The following SHROOM1 variants were observed in gnomAD, a reference collection of about 807,000 sequenced individuals.
The protein encoded by SHROOM1 is protein Shroom1.
In SHROOM1, 53 loss-of-function variants were observed where a neutral mutation model predicts 64.2. The observed-to-expected ratio is 0.83, with a 90% CI of 0.66 to 1.04. The LOEUF is 1.04. Among genes scored for constraint, SHROOM1 ranks in the 50% least tolerant of loss-of-function variants. SHROOM1 has a pLI of 0.00. For synonymous variants in SHROOM1, 490 were observed against 518.9 expected (o/e 0.94, Z 0.76); for missense variants, 1,179 against 1,163.2 (o/e 1.01, Z -0.20).
rs1485224789 is a variant in SHROOM1, at chr5:132,825,503, G to A, written c.638C>T (p.Pro213Leu). The A allele has an allele frequency of 1.3e-6, 2 of 1,499,206 alleles. No homozygotes were observed. The highest frequency in any genetic ancestry group is 1.8e-6 in the Non-Finnish European group (2 of 1,130,354). The allele number at this position is 1,499,206 out of a possible 1,614,324, so 92.9% of individuals were successfully genotyped here. A position where few individuals can be genotyped will look rare whatever the true frequency, so the allele number is the denominator to read the frequency against. The change falls in exon 4 of 10, where the codon CCC (proline) becomes CTC (leucine). Residue 213 changes from proline (P) to leucine (L), a missense_variant. Coordinates refer to ENST00000378679, the MANE Select transcript of SHROOM1 (RefSeq NM_001172700.2). The surrounding 1 kb of genome is among the most constrained non-coding windows in gnomAD (Gnocchi z 5.1). ...APAPGTAGRGPLANQQRKWCF... is the reference protein window; with the variant it reads ...APAPGTAGRGLLANQQRKWCF... ...CCACTTCCGCTGCTGGTTGGCGAGG[G>A]GACCCCGGCCGGCAGTTCCTGGCGC...
Position 132,824,317 on chromosome 5 carries a change from T to C in SHROOM1, c.1344A>G (p.Ala448=), listed in dbSNP as rs1228625163. 1 of 1,612,808 alleles carries C rather than the reference T, an allele frequency of 6.2e-7. No individual in the cohort carries two copies. Among genetic ancestry groups the C allele is most frequent in the Non-Finnish European group, 8.5e-7 (1 of 1,179,414 alleles). The change falls in exon 7 of 10, where the codon GCA becomes GCG. Residue 448 remains alanine, a synonymous_variant. Transcript: ENST00000378679. The part of the protein sequence containing the change: ...EYPLHECPGT[A]GADDCWQGVN... ...CCCCCTGCCAGCAGTCATCTGCCCC[T>C]GCAGTTCCTGGACACTCATGGAGCG...
At chr5:132,828,500 G>A (rs144362318) in intron 1 of SHROOM1, among the ~76,000 whole-genome samples, 46 of 152,172 alleles carry the variant, frequency 3.0e-4, no homozygotes, top group African/African-American at 8.2e-4. Flanking sequence ...AAGCCCACCC[G>A]ACTGCTCAGA....
Position 132,823,052 on chromosome 5 carries a change from C to T in SHROOM1, c.2303G>A (p.Arg768Gln). Residue 768 changes from arginine (R) to glutamine (Q), a missense_variant, in exon 10 of 10, where the codon CGG (arginine) becomes CAG (glutamine). Transcript: ENST00000378679. This position sits in a 1 kb window ranked among gnomAD's most constrained non-coding sequence, Gnocchi z 4.6. ...DAKELKEHVA[R>Q]RERAVREVLV... ...CACCTCCCGCACGGCCCGCTCGCGC[C>T]GCGCTACGTGCTCCTTCAGCTCCTT... 1 of 1,597,098 alleles carries T rather than the reference C, an allele frequency of 6.3e-7. No homozygotes were observed. The highest frequency in any genetic ancestry group is 8.5e-7 in the Non-Finnish European group (1 of 1,178,392).
Position 132,826,101 on chromosome 5 carries a change from C to T in SHROOM1, c.40G>A (p.Ala14Thr). 1.4e-6 allele frequency: 2 copies of T among 1,394,172 alleles called. No individual in the cohort carries two copies. The highest frequency in any genetic ancestry group is 3.0e-5 in the Admixed American group (1 of 32,790). 86.4% of individuals were successfully genotyped at this position (1,394,172 alleles called of 1,614,324 possible). A position where few individuals can be genotyped will look rare whatever the true frequency, so the allele number is the denominator to read the frequency against. Residue 14 changes from alanine (A) to threonine (T), a missense_variant, in exon 4 of 10, where the codon GCC (alanine) becomes ACC (threonine). Physicochemically the swap from Ala to Thr is moderately conservative, Grantham distance 58. Transcript: ENST00000378679. The part of the protein sequence containing the change: ...LGPGGDRASP[A>T]SSTSSLDLWH... ...AGGTCCAGGCTGCTAGTGGACGAGG[C>T]CGGGGAGGCGCGGTCGCCCCCAGGT...
At chr5:132,829,782 G>A (rs1758796273) in intron 1 of SHROOM1, 1 of 985,328 alleles carries the variant, frequency 1.0e-6, no homozygotes, top group Admixed American at 6.1e-5. Flanking sequence ...CTGGCTAGGC[G>A]GACGTTCTGG....
At position 132,822,322 on chromosome 5, in the gene SHROOM1, G is replaced by T. The variant is rs548413428; in HGVS notation, c.*474C>A. 4.7e-5 allele frequency: 7 copies of T among 148,360 alleles called. No individual in the cohort carries two copies. The highest frequency in any genetic ancestry group is 1.7e-4 in the African/African-American group (7 of 40,412). The allele number at this position is 148,360 out of a possible 1,614,324, so 9.2% of individuals were successfully genotyped here. On this transcript the variant is annotated 3_prime_UTR_variant, in exon 10 of 10. Coordinates refer to ENST00000378679, the MANE Select transcript of SHROOM1 (RefSeq NM_001172700.2). ...CAAATAATACACAAGACCTGGGTGA[G>T]GCCACATGAGAACACTTTGGAGAAG...
Position 132,824,793 on chromosome 5 carries a change from T to G in SHROOM1, c.1063A>C (p.Met355Leu), listed in dbSNP as rs751439746. 9 of 1,614,072 alleles carry G rather than the reference T, an allele frequency of 5.6e-6. No individual in the cohort carries two copies. Among genetic ancestry groups the G allele is most frequent in the Non-Finnish European group, 7.6e-6 (9 of 1,180,020 alleles). The change falls in exon 6 of 10, where the codon ATG becomes CTG. Residue 355 changes from methionine (M) to leucine (L), a missense_variant. Coordinates refer to ENST00000378679, the MANE Select transcript of SHROOM1 (RefSeq NM_001172700.2). ...RFLPQKEAAV[M>L]YPAELPQSSP... The stretch of plus-strand genomic sequence containing the variant: ...CTCTGGGGTAACTCTGCAGGATACA[T>G]CACCGCAGCCTCTTTCTGAGGCAAG...
intron 2 of SHROOM1, among the ~76,000 whole-genome samples, chr5:132,827,184 C>T (rs1057187457): frequency 6.6e-6 from 1 of 152,176 alleles, no homozygotes. Flanking sequence ...CTGAGCTGAC[C>T]CCCACCCCAC....
At position 132,823,430 on chromosome 5, in the gene SHROOM1, G is replaced by T; in HGVS notation, c.2046C>A (p.Arg682=). The T allele has an allele frequency of 1.9e-6, 3 of 1,611,876 alleles. No homozygotes were observed. The East Asian group carries it at 6.7e-5, about 36-fold the overall frequency. ...GCACTGCAGCCTCCAGAGCCGCTTG[G>T]CGCCTGGCCCACGCTTGTGCCTCCC... ...LQGEAQAWAR[R]QAALEAAVRQ... Residue 682 remains arginine, a synonymous_variant, in exon 9 of 10, where the codon CGC becomes CGA. Transcript: ENST00000378679. The surrounding 1 kb of genome is among the most constrained non-coding windows in gnomAD (Gnocchi z 4.6).
Position 132,824,679 on chromosome 5 carries a change from C to G in SHROOM1, c.1177G>C (p.Glu393Gln). Residue 393 changes from glutamate to glutamine, a missense_variant, in exon 6 of 10, where the codon GAG becomes CAG. By Grantham distance (29) the Glu-to-Gln change is conservative (BLOSUM62 2). Coordinates refer to ENST00000378679, the MANE Select transcript of SHROOM1 (RefSeq NM_001172700.2). ...GATCTCATTCTGACCAGTGGGGCCT[C>G]TTCTAGGAACACTTCATCAGGAAGG... ...PSLPDEVFLE[E>Q]APLVRMRSPP... 6.2e-7 allele frequency: 1 copy of G among 1,614,052 alleles called. No individual in the cohort carries two copies. The highest frequency in any genetic ancestry group is 8.5e-7 in the Non-Finnish European group (1 of 1,180,012).
Position 132,823,701 on chromosome 5 carries a change from G to A in SHROOM1, c.1875C>T (p.Asn625=), listed in dbSNP as rs33935150. The A allele has an allele frequency of 0.016, 26,270 of 1,612,018 alleles. 1,491 individuals carry two copies. The highest frequency in any genetic ancestry group is 0.16 in the African/African-American group (11,952 of 74,960). Residue 625 remains asparagine, a synonymous_variant, in exon 8 of 10, where the codon AAC becomes AAT. Coordinates refer to ENST00000378679, the MANE Select transcript of SHROOM1 (RefSeq NM_001172700.2). The surrounding 1 kb of genome is among the most constrained non-coding windows in gnomAD (Gnocchi z 4.6). ...PAPREETRLE[N]PATHPVLDQP... The stretch of plus-strand genomic sequence containing the variant: ...GGTCAAGCACAGGGTGGGTGGCAGG[G>A]TTTTCAAGCCTTGTCTCCTCCCGAG...
In SHROOM1 at chr5:132,823,986, G is replaced by A; in HGVS notation, c.1675C>T (p.Pro559Ser). The stretch of plus-strand genomic sequence containing the variant: ...TCTGGGCTGGGCTGGGAAGCAAGAG[G>A]GTCACATAGAGAGGGATCTAATCTG... ...LARLDPSLCD[P>S]LASQPSPEPP... Residue 559 changes from proline to serine, a missense_variant, in exon 7 of 10, where the codon CCT (proline) becomes TCT (serine). Pro to Ser is a moderately conservative substitution (Grantham distance 74). Transcript: ENST00000378679. This position sits in a 1 kb window ranked among gnomAD's most constrained non-coding sequence, Gnocchi z 4.6. The A allele has an allele frequency of 1.9e-6, 3 of 1,605,484 alleles. No homozygotes were observed. The highest frequency in any genetic ancestry group is 3.4e-5 in the Admixed American group (2 of 59,422).
intron 2 of SHROOM1, among the ~76,000 whole-genome samples, chr5:132,827,016 A>G (rs1363833833): frequency 6.6e-6 from 1 of 152,164 alleles, no homozygotes; most frequent in East Asian, 1.9e-4. Context: ...CCCATACACT[A>G]TTGGCAGATT....
chr5:132,822,953 G>A lies in SHROOM1; in HGVS notation c.2402C>T (p.Ala801Val). 2 of 1,611,506 alleles carry A rather than the reference G, an allele frequency of 1.2e-6. No homozygotes were observed. Among genetic ancestry groups the A allele is most frequent in the Non-Finnish European group, 1.7e-6 (2 of 1,179,862 alleles). ...ALLAGKAAVL[A>V]QQRNLDERIR... ...GCGCTCGTCCAGGTTGCGCTGCTGG[G>A]CCAGGACGGCGGCCTTGCCCGCCAG... Residue 801 changes from alanine to valine, a missense_variant, in exon 10 of 10, where the codon GCC (alanine) becomes GTC (valine). Ala to Val is a moderately conservative substitution (Grantham distance 64, BLOSUM62 0). Coordinates refer to ENST00000378679, the MANE Select transcript of SHROOM1 (RefSeq NM_001172700.2).
At position 132,823,974 on chromosome 5, in the gene SHROOM1, G is replaced by T; in HGVS notation, c.1687C>A (p.Gln563Lys). ...DPSLCDPLAS[Q>K]PSPEPPLGLL... ...CCCAGGGGTGGCTCTGGGCTGGGCT[G>T]GGAAGCAAGAGGGTCACATAGAGAG... is the stretch of plus-strand genomic sequence containing the variant. Residue 563 changes from glutamine to lysine, a missense_variant, in exon 7 of 10, where the codon CAG becomes AAG. Transcript: ENST00000378679. This position sits in a 1 kb window ranked among gnomAD's most constrained non-coding sequence, Gnocchi z 4.6. 1 of 1,604,116 alleles carries T rather than the reference G, an allele frequency of 6.2e-7. No homozygotes were observed. The highest frequency in any genetic ancestry group is 8.5e-7 in the Non-Finnish European group (1 of 1,175,044).
chr5:132,822,835 A>G lies in SHROOM1; in HGVS notation c.2520T>C (p.Cys840=), dbSNP rs1581226556. 1 of 1,612,290 alleles carries G rather than the reference A, an allele frequency of 6.2e-7. No individual in the cohort carries two copies. The highest frequency in any genetic ancestry group is 8.5e-7 in the Non-Finnish European group (1 of 1,179,514). Residue 840 remains cysteine (C), a synonymous_variant, in exon 10 of 10, where the codon TGT becomes TGC. Coordinates refer to ENST00000378679, the MANE Select transcript of SHROOM1 (RefSeq NM_001172700.2). ...GAGGGAAGGGCGGCTGAACTGGAGGACAGGTCCCTGGGGGCCGCGCCGGGC... is the reference window on the plus strand; with the variant it reads ...GAGGGAAGGGCGGCTGAACTGGAGGGCAGGTCCCTGGGGGCCGCGCCGGGC... ...SPSPARPPGT[C]PPVQPPFPLL...
Position 132,823,152 on chromosome 5 carries a change from G to C in SHROOM1, c.2227-24C>G. 6.5e-7 allele frequency: 1 copy of C among 1,543,272 alleles called. No homozygotes were observed. Among genetic ancestry groups the C allele is most frequent in the Non-Finnish European group, 8.7e-7 (1 of 1,153,700 alleles). On this transcript the variant is annotated intron_variant, in intron 9 of 9. Transcript: ENST00000378679. This position sits in a 1 kb window ranked among gnomAD's most constrained non-coding sequence, Gnocchi z 4.6. ...GCCTTGAGCCGCAGGAAGAGGCGCC[G>C]TGAGCCGGGTGAGGGCGCCGCCGCT...
In SHROOM1 at chr5:132,826,055, G is replaced by T; in HGVS notation, c.86C>A (p.Ala29Glu). The T allele has an allele frequency of 6.7e-7, 1 of 1,495,216 alleles. No homozygotes were observed. Among genetic ancestry groups the T allele is most frequent in the South Asian group, 1.3e-5 (1 of 74,780 alleles). 92.6% of individuals were successfully genotyped at this position (1,495,216 alleles called of 1,614,324 possible). A position where few individuals can be genotyped will look rare whatever the true frequency, so the allele number is the denominator to read the frequency against. ...SLDLWHLSMR[A>E]DSAYSSFSAA... Reference sequence around the variant, plus strand: ...GGAGAAAGAGCTGTAGGCCGAGTCCGCGCGCATGGACAGATGCCACAGGTC... The same window carrying T: ...GGAGAAAGAGCTGTAGGCCGAGTCCTCGCGCATGGACAGATGCCACAGGTC... Residue 29 changes from alanine to glutamate, a missense_variant, in exon 4 of 10, where the codon GCG (alanine) becomes GAG (glutamate). Ala to Glu is a moderately radical substitution (Grantham distance 107). Coordinates refer to ENST00000378679, the MANE Select transcript of SHROOM1 (RefSeq NM_001172700.2).
Position 132,823,201 on chromosome 5 carries a change from C to A in SHROOM1, c.2226+49G>T. 6.4e-7 allele frequency: 1 copy of A among 1,559,424 alleles called. No homozygotes were observed. The highest frequency in any genetic ancestry group is 8.6e-7 in the Non-Finnish European group (1 of 1,160,672). On this transcript the variant is annotated intron_variant, in intron 9 of 9. Coordinates refer to ENST00000378679, the MANE Select transcript of SHROOM1 (RefSeq NM_001172700.2). The surrounding 1 kb of genome is among the most constrained non-coding windows in gnomAD (Gnocchi z 4.6). Reference sequence around the variant, plus strand: ...CTCCCGGAATGGTTCCAGCCGGAGACAGCAGGCCCCTCACCGCCCTACTCG... The same window carrying A: ...CTCCCGGAATGGTTCCAGCCGGAGAAAGCAGGCCCCTCACCGCCCTACTCG...
Sources: allele counts gnomAD v4.1 joint callset (sites outside exome capture counted in the v4.1 genomes callset), GRCh38; gene constraint gnomAD v4.1.1; non-coding constraint Gnocchi (gnomAD v3.1); transcripts MANE v1.5; gene names NCBI Gene and HGNC (gene_info 2026-07-23, HGNC 2026-07-21).